OR4X1: variants seen among roughly 807,000 people sequenced by gnomAD.
OR4X1 encodes the protein olfactory receptor 4X1.
For missense variants in OR4X1, 509 were observed against 368.1 expected (o/e 1.38, Z -3.13); for synonymous variants, 183 against 142.6 (o/e 1.28, Z -2.02).
In OR4X1 at chr11:48,264,604, C is replaced by A. The variant is rs1859341601; in HGVS notation, c.744C>A (p.Phe248Leu). The change falls in exon 1 of 1, where the codon TTC (phenylalanine) becomes TTA (leucine). Residue 248 changes from phenylalanine (F) to leucine (L), a missense_variant. Phe to Leu is a conservative substitution (Grantham distance 22, BLOSUM62 0). Coordinates refer to ENST00000320048, the MANE Select transcript of OR4X1 (RefSeq NM_001004726.1). Reference sequence around the variant, plus strand: ...CTCATGTCACAGTTGTCGACCTGTTCTTCATACCTTGCTCCTTGGTCTATA... The same window carrying A: ...CTCATGTCACAGTTGTCGACCTGTTATTCATACCTTGCTCCTTGGTCTATA... ...CASHVTVVDL[F>L]FIPCSLVYIR... 1.9e-6 allele frequency: 3 copies of A among 1,614,120 alleles called. No homozygotes were observed. The highest frequency in any genetic ancestry group is 2.7e-5 in the African/African-American group (2 of 75,042).
Position 48,264,584 on chromosome 11 carries a change from G to T in OR4X1, c.724G>T (p.Val242Phe), listed in dbSNP as rs768939663. ...GGCCCTCTCCACCTGTGCCTCTCATGTCACAGTTGTCGACCTGTTCTTCAT... is the reference window on the plus strand; with the variant it reads ...GGCCCTCTCCACCTGTGCCTCTCATTTCACAGTTGTCGACCTGTTCTTCAT... Reference protein sequence around the residue: ...HKALSTCASHVTVVDLFFIPC... With the variant: ...HKALSTCASHFTVVDLFFIPC... The change falls in exon 1 of 1, where the codon GTC becomes TTC. Residue 242 changes from valine to phenylalanine, a missense_variant. Transcript: ENST00000320048. 2 of 1,614,108 alleles carry T rather than the reference G, an allele frequency of 1.2e-6. No individual in the cohort carries two copies. Among genetic ancestry groups the T allele is most frequent in the East Asian group, 2.2e-5 (1 of 44,872 alleles).
In OR4X1 at chr11:48,264,270, G is replaced by A. The variant is rs766622427; in HGVS notation, c.410G>A (p.Arg137Gln). ...PLHYMAIMNQRMCGLLVRIAW... is the reference protein window; with the variant it reads ...PLHYMAIMNQQMCGLLVRIAW... ...CACTACATGGCCATCATGAACCAGCGAATGTGTGGTCTCCTCGTGAGGATA... is the reference window on the plus strand; with the variant it reads ...CACTACATGGCCATCATGAACCAGCAAATGTGTGGTCTCCTCGTGAGGATA... Residue 137 changes from arginine (R) to glutamine (Q), a missense_variant, in exon 1 of 1, where the codon CGA becomes CAA. Transcript: ENST00000320048. 5.6e-6 allele frequency: 9 copies of A among 1,614,032 alleles called. No homozygotes were observed. Among genetic ancestry groups the A allele is most frequent in the South Asian group, 2.2e-5 (2 of 91,072 alleles).
Position 48,264,147 on chromosome 11 carries a change from T to A in OR4X1, c.287T>A (p.Leu96His), listed in dbSNP as rs1859327705. The A allele has an allele frequency of 1.2e-6, 2 of 1,614,036 alleles. No individual in the cohort carries two copies. The highest frequency in any genetic ancestry group is 2.7e-5 in the African/African-American group (2 of 74,940). The change falls in exon 1 of 1, where the codon CTC (leucine) becomes CAC (histidine). Residue 96 changes from leucine (L) to histidine (H), a missense_variant. By Grantham distance (99) the Leu-to-His change is moderately conservative (BLOSUM62 -3). Coordinates refer to ENST00000320048, the MANE Select transcript of OR4X1 (RefSeq NM_001004726.1). ...AAAGTCATTTCTCTCAAGGGCTGCCTCACACAGATGTTTTCCCTCCATTTC... is the reference window on the plus strand; with the variant it reads ...AAAGTCATTTCTCTCAAGGGCTGCCACACACAGATGTTTTCCCTCCATTTC... Reference protein sequence around the residue: ...KRKVISLKGCLTQMFSLHFFG... With the variant: ...KRKVISLKGCHTQMFSLHFFG...
In OR4X1 at chr11:48,264,276, G is replaced by A; in HGVS notation, c.416G>A (p.Cys139Tyr). 1.9e-6 allele frequency: 3 copies of A among 1,614,068 alleles called. No homozygotes were observed. Among genetic ancestry groups the A allele is most frequent in the Non-Finnish European group, 2.5e-6 (3 of 1,179,994 alleles). The stretch of plus-strand genomic sequence containing the variant: ...ATGGCCATCATGAACCAGCGAATGT[G>A]TGGTCTCCTCGTGAGGATAGCATGG... ...HYMAIMNQRM[C>Y]GLLVRIAWGG... Residue 139 changes from cysteine to tyrosine, a missense_variant, in exon 1 of 1, where the codon TGT becomes TAT. Cys to Tyr is a radical substitution (Grantham distance 194). Coordinates refer to ENST00000320048, the MANE Select transcript of OR4X1 (RefSeq NM_001004726.1).
At position 48,264,148 on chromosome 11, in the gene OR4X1, C is replaced by G. The variant is rs779217318; in HGVS notation, c.288C>G (p.Leu96=). Residue 96 remains leucine, a synonymous_variant, in exon 1 of 1, where the codon CTC becomes CTG. Coordinates refer to ENST00000320048, the MANE Select transcript of OR4X1 (RefSeq NM_001004726.1). ...KRKVISLKGC[L]TQMFSLHFFG... ...AAGTCATTTCTCTCAAGGGCTGCCT[C>G]ACACAGATGTTTTCCCTCCATTTCT... is the stretch of plus-strand genomic sequence containing the variant. 1.6e-5 allele frequency: 26 copies of G among 1,614,006 alleles called. No individual in the cohort carries two copies. Among genetic ancestry groups the G allele is most frequent in the Middle Eastern group, 1.6e-4 (1 of 6,082 alleles).
At position 48,264,433 on chromosome 11, in the gene OR4X1, CT is replaced by C. The variant is rs869306321; in HGVS notation, c.575del (p.Phe192SerfsTer5). ...VLELACADTF[F>X]ISLLIITNGG... ...TGGAGCTGGCCTGCGCAGACACCTT[CT>C]TCATTAGCCTGCTGATCATCACCAA... On this transcript the variant is annotated frameshift_variant, in exon 1 of 1. Coordinates refer to ENST00000320048, the MANE Select transcript of OR4X1 (RefSeq NM_001004726.1). LOFTEE classifies it low-confidence loss of function (END_TRUNC). 15 of 1,476,668 alleles carry C rather than the reference CT, an allele frequency of 1.0e-5. No homozygotes were observed. The highest frequency in any genetic ancestry group is 1.7e-4 in the Middle Eastern group (1 of 5,788). The allele number at this position is 1,476,668 out of a possible 1,614,324, so 91.5% of individuals were successfully genotyped here.
In OR4X1 at chr11:48,264,744, C is replaced by A; in HGVS notation, c.884C>A (p.Ala295Asp). The A allele has an allele frequency of 4.3e-6, 7 of 1,610,700 alleles. No homozygotes were observed. Among genetic ancestry groups the A allele is most frequent in the Non-Finnish European group, 5.9e-6 (7 of 1,177,718 alleles). The change falls in exon 1 of 1, where the codon GCC (alanine) becomes GAC (aspartate). Residue 295 changes from alanine (A) to aspartate (D), a missense_variant. Coordinates refer to ENST00000320048, the MANE Select transcript of OR4X1 (RefSeq NM_001004726.1). ...TTCAGGAATGCTGAAGTGAAAAATG[C>A]CATGAGGAGATTTATTGGGGGAAAA... ...YSFRNAEVKN[A>D]MRRFIGGKVI
rs1467291041 is a variant in OR4X1 at position 48,264,544 on chromosome 11, G to A, written c.684G>A (p.Leu228=). 6.2e-7 allele frequency: 1 copy of A among 1,613,986 alleles called. No homozygotes were observed. Among genetic ancestry groups the A allele is most frequent in the Non-Finnish European group, 8.5e-7 (1 of 1,180,004 alleles). The stretch of plus-strand genomic sequence containing the variant: ...TGCACTTCCTGAGAAGCCACAACTT[G>A]GAGGGGCAGCACAAGGCCCTCTCCA... ...IILHFLRSHN[L]EGQHKALSTC... Residue 228 remains leucine (L), a synonymous_variant, in exon 1 of 1, where the codon TTG becomes TTA. Coordinates refer to ENST00000320048, the MANE Select transcript of OR4X1 (RefSeq NM_001004726.1).
chr11:48,264,290 A>G lies in OR4X1; in HGVS notation c.430A>G (p.Arg144Gly), dbSNP rs1503193. 1 allele frequency: 1,611,173 copies of G among 1,614,040 alleles called. 804,211 individuals are homozygous for G. Among genetic ancestry groups the G allele is most frequent in the East Asian group, 1 (44,844 of 44,844 alleles). The change falls in exon 1 of 1, where the codon AGG (arginine) becomes GGG (glycine). Residue 144 changes from arginine to glycine, a missense_variant. Coordinates refer to ENST00000320048, the MANE Select transcript of OR4X1 (RefSeq NM_001004726.1). ...CCAGCGAATGTGTGGTCTCCTCGTG[A>G]GGATAGCATGGGGCGGGGGCCTGCT... is the stretch of plus-strand genomic sequence containing the variant. The part of the protein sequence containing the change: ...MNQRMCGLLV[R>G]IAWGGGLLHS...
chr11:48,264,275 T>C lies in OR4X1; in HGVS notation c.415T>C (p.Cys139Arg). The change falls in exon 1 of 1, where the codon TGT (cysteine) becomes CGT (arginine). Residue 139 changes from cysteine to arginine, a missense_variant. Transcript: ENST00000320048. ...CATGGCCATCATGAACCAGCGAATG[T>C]GTGGTCTCCTCGTGAGGATAGCATG... ...HYMAIMNQRM[C>R]GLLVRIAWGG... 1 of 1,614,108 alleles carries C rather than the reference T, an allele frequency of 6.2e-7. No individual in the cohort carries two copies. Among genetic ancestry groups the C allele is most frequent in the South Asian group, 1.1e-5 (1 of 91,080 alleles).
Position 48,264,066 on chromosome 11 carries a change from TC to T in OR4X1, c.207del (p.Cys70AlafsTer44), listed in dbSNP as rs1859325475. ...CTCAGCTACTTATCCTTTGTGGAGA[TC>T]TGCTACTGTTCTGTCATGGCCCCCA... is the stretch of plus-strand genomic sequence containing the variant. Reference protein sequence around the residue: ...FFLSYLSFVEICYCSVMAPKL... With the variant: ...FFLSYLSFVEXCYCSVMAPKL... On this transcript the variant is annotated frameshift_variant, in exon 1 of 1. Coordinates refer to ENST00000320048, the MANE Select transcript of OR4X1 (RefSeq NM_001004726.1). LOFTEE classifies it low-confidence loss of function (END_TRUNC). 6.2e-7 allele frequency: 1 copy of T among 1,613,876 alleles called. No individual in the cohort carries two copies. The highest frequency in any genetic ancestry group is 1.1e-5 in the South Asian group (1 of 91,070).
In OR4X1 at chr11:48,263,945, T is replaced by G; in HGVS notation, c.85T>G (p.Phe29Val). 6.2e-7 allele frequency: 1 copy of G among 1,613,854 alleles called. No homozygotes were observed. The highest frequency in any genetic ancestry group is 8.5e-7 in the Non-Finnish European group (1 of 1,179,782). The change falls in exon 1 of 1, where the codon TTT becomes GTT. Residue 29 changes from phenylalanine (F) to valine (V), a missense_variant. Physicochemically the swap from Phe to Val is conservative, Grantham distance 50. Transcript: ENST00000320048. ...WSEQRVISVM[F>V]LLMYTAVVLG... ...TGAGCAGAGGGTCATTTCTGTGATG[T>G]TTCTCCTCATGTACACAGCTGTTGT... is the stretch of plus-strand genomic sequence containing the variant.
chr11:48,264,166 C>A lies in OR4X1; in HGVS notation c.306C>A (p.Leu102=). 6.2e-7 allele frequency: 1 copy of A among 1,614,098 alleles called. No individual in the cohort carries two copies. Among genetic ancestry groups the A allele is most frequent in the Non-Finnish European group, 8.5e-7 (1 of 1,180,002 alleles). ...LKGCLTQMFS[L]HFFGGTEAFL... Reference sequence around the variant, plus strand: ...GCTGCCTCACACAGATGTTTTCCCTCCATTTCTTTGGTGGCACTGAGGCCT... The same window carrying A: ...GCTGCCTCACACAGATGTTTTCCCTACATTTCTTTGGTGGCACTGAGGCCT... Residue 102 remains leucine, a synonymous_variant, in exon 1 of 1, where the codon CTC becomes CTA. Coordinates refer to ENST00000320048, the MANE Select transcript of OR4X1 (RefSeq NM_001004726.1).
Position 48,264,433 on chromosome 11 carries a change from CTT to C in OR4X1, c.574_575del (p.Phe192HisfsTer2), listed in dbSNP as rs1859336723. 6.8e-7 allele frequency: 1 copy of C among 1,476,668 alleles called. No homozygotes were observed. The highest frequency in any genetic ancestry group is 2.4e-5 in the African/African-American group (1 of 41,606). The allele number at this position is 1,476,668 out of a possible 1,614,324, so 91.5% of individuals were successfully genotyped here. A position where few individuals can be genotyped will look rare whatever the true frequency, so the allele number is the denominator to read the frequency against. On this transcript the variant is annotated frameshift_variant, in exon 1 of 1. Transcript: ENST00000320048. LOFTEE classifies it low-confidence loss of function (END_TRUNC). The stretch of plus-strand genomic sequence containing the variant: ...TGGAGCTGGCCTGCGCAGACACCTT[CTT>C]CATTAGCCTGCTGATCATCACCAAT... ...VLELACADTFFISLLIITNGG... is the reference protein window; with the variant it reads ...VLELACADTFXISLLIITNGG...
In OR4X1 at chr11:48,264,496, G is replaced by A. The variant is rs779128456; in HGVS notation, c.636G>A (p.Leu212=). The change falls in exon 1 of 1, where the codon CTG becomes CTA. Residue 212 remains leucine (L), a synonymous_variant. Coordinates refer to ENST00000320048, the MANE Select transcript of OR4X1 (RefSeq NM_001004726.1). Reference sequence around the variant, plus strand: ...TCTCCGTAGTCAGTTTCTTCGTGCTGATGGCTTCCTACCTGATCATCCTGC... The same window carrying A: ...TCTCCGTAGTCAGTTTCTTCGTGCTAATGGCTTCCTACCTGATCATCCTGC... ...GSISVVSFFV[L]MASYLIILHF... is the part of the protein sequence containing the mutation. The A allele has an allele frequency of 6.2e-7, 1 of 1,613,954 alleles. No homozygotes were observed. Among genetic ancestry groups the A allele is most frequent in the African/African-American group, 1.3e-5 (1 of 74,920 alleles).
Position 48,263,901 on chromosome 11 carries a change from G to T in OR4X1, c.41G>T (p.Gly14Val), listed in dbSNP as rs200635504. 4 of 1,613,768 alleles carry T rather than the reference G, an allele frequency of 2.5e-6. No homozygotes were observed. The highest frequency in any genetic ancestry group is 1.1e-5 in the South Asian group (1 of 91,056). Residue 14 changes from glycine to valine, a missense_variant, in exon 1 of 1, where the codon GGA becomes GTA. Gly to Val is a moderately radical substitution (Grantham distance 109). Coordinates refer to ENST00000320048, the MANE Select transcript of OR4X1 (RefSeq NM_001004726.1). ...AATGTGACTGAAATAATTTTCGTGG[G>T]ATTTTCCCAGAATTGGAGTGAGCAG... Reference protein sequence around the residue: ...TNNVTEIIFVGFSQNWSEQRV... With the variant: ...TNNVTEIIFVVFSQNWSEQRV...
rs774009608 is a variant in OR4X1, at chr11:48,264,299, T to G, written c.439T>G (p.Trp147Gly). 1.2e-6 allele frequency: 2 copies of G among 1,614,024 alleles called. No homozygotes were observed. The highest frequency in any genetic ancestry group is 2.7e-5 in the African/African-American group (2 of 75,016). Reference sequence around the variant, plus strand: ...GTGTGGTCTCCTCGTGAGGATAGCATGGGGCGGGGGCCTGCTGCATTCTGT... The same window carrying G: ...GTGTGGTCTCCTCGTGAGGATAGCAGGGGGCGGGGGCCTGCTGCATTCTGT... ...RMCGLLVRIAWGGGLLHSVGQ... is the reference protein window; with the variant it reads ...RMCGLLVRIAGGGGLLHSVGQ... The change falls in exon 1 of 1, where the codon TGG (tryptophan) becomes GGG (glycine). Residue 147 changes from tryptophan to glycine, a missense_variant. Trp to Gly is a radical substitution (Grantham distance 184). Coordinates refer to ENST00000320048, the MANE Select transcript of OR4X1 (RefSeq NM_001004726.1).
rs376368685 is a variant in OR4X1 at position 48,263,893 on chromosome 11, T to A, written c.33T>A (p.Ile11=). The change falls in exon 1 of 1, where the codon ATT becomes ATA. Residue 11 remains isoleucine, a synonymous_variant. Transcript: ENST00000320048. MVATNNVTEI[I]FVGFSQNWSE... ...CTACAAACAATGTGACTGAAATAAT[T>A]TTCGTGGGATTTTCCCAGAATTGGA... 6.2e-7 allele frequency: 1 copy of A among 1,613,674 alleles called. No individual in the cohort carries two copies. Among genetic ancestry groups the A allele is most frequent in the African/African-American group, 1.3e-5 (1 of 75,012 alleles).
At position 48,264,429 on chromosome 11, in the gene OR4X1, C is replaced by G. The variant is rs1054010293; in HGVS notation, c.569C>G (p.Thr190Ser). 1.2e-6 allele frequency: 2 copies of G among 1,613,138 alleles called. No homozygotes were observed. The highest frequency in any genetic ancestry group is 2.7e-5 in the African/African-American group (2 of 74,674). Reference protein sequence around the residue: ...HPVLELACADTFFISLLIITN... With the variant: ...HPVLELACADSFFISLLIITN... ...GTGCTGGAGCTGGCCTGCGCAGACA[C>G]CTTCTTCATTAGCCTGCTGATCATC... The change falls in exon 1 of 1, where the codon ACC becomes AGC. Residue 190 changes from threonine (T) to serine (S), a missense_variant. Thr to Ser is a moderately conservative substitution (Grantham distance 58, BLOSUM62 1). Transcript: ENST00000320048.
Sources: gnomAD v4.1 joint callset for allele counts on GRCh38, gnomAD v4.1.1 for gene constraint, MANE v1.5 for transcripts, NCBI Gene and HGNC (gene_info 2026-07-23, HGNC 2026-07-21) for gene names.